KDM4C: variants seen among roughly 807,000 people sequenced by gnomAD.
The protein encoded by KDM4C is lysine-specific demethylase 4C.
In KDM4C, 81 loss-of-function variants were observed where a neutral mutation model predicts 129.3. That is an observed-to-expected ratio of 0.63 (90% CI 0.52 to 0.75). The LOEUF (loss-of-function observed/expected upper bound fraction) is 0.75, where lower values mean the gene tolerates loss of function less well. Among genes scored for constraint, KDM4C ranks in the 30% least tolerant of loss-of-function variants. KDM4C has a pLI of 0.00. For missense variants in KDM4C, 1,457 were observed against 1,304.0 expected (o/e 1.12, Z -1.81); for synonymous variants, 573 against 456.1 (o/e 1.26, Z -3.26).
chr9:7,039,810 ATGAGGGGT>A (rs1828249977), intron 15 of KDM4C, among the ~76,000 whole-genome samples: 1 of 152,100 alleles, frequency 6.6e-6, no homozygotes, highest in Non-Finnish European at 1.5e-5. Context: ...AAGGAAGAGG[ATGAGGGGT>A]TGGCCCAGCT....
intron 12 of KDM4C, 26 bp downstream of exon 12, chr9:6,990,550 T>G (rs767377966): frequency 1.7e-5 from 1 of 60,208 alleles, no homozygotes; most frequent in African/African-American, 1.3e-4. Flanking sequence ...TTTTTGGGAT[T>G]TTTTTTTTTT....
intron 8 of KDM4C, among the ~76,000 whole-genome samples, chr9:6,952,273 G>A (rs949405405): frequency 4.6e-5 from 7 of 151,898 alleles, no homozygotes; most frequent in Non-Finnish European, 1.0e-4. Context: ...CTGATGGTAC[G>A]CCTATGTCCA....
intron 17 of KDM4C, among the ~76,000 whole-genome samples, chr9:7,092,878 A>G (rs572432840): frequency 6.6e-6 from 1 of 152,286 alleles, no homozygotes; most frequent in Non-Finnish European, 1.5e-5. Context: ...CAGAAATGGA[A>G]TTTTTAAATA....
At chr9:6,884,897 A>G (rs1227323889) in intron 6 of KDM4C, among the ~76,000 whole-genome samples, 1 of 152,260 alleles carries the variant, frequency 6.6e-6, no homozygotes, top group Non-Finnish European at 1.5e-5. Context: ...AGTTGACAGT[A>G]TAGAGAACTT....
rs146833868 is a variant in KDM4C, at chr9:6,817,763, C to CTTTT, written c.435+3036_435+3039dup. Among the ~76,000 whole-genome samples the CTTTT allele has an allele frequency of 1.7e-3, 182 of 105,078 alleles. 2 individuals are homozygous for CTTTT. Among genetic ancestry groups the CTTTT allele is most frequent in the African/African-American group, 3.6e-3 (94 of 25,900 alleles). The allele number at this position is 105,078 out of a possible 152,430, so 68.9% of individuals were successfully genotyped here. A position where few individuals can be genotyped will look rare whatever the true frequency, so the allele number is the denominator to read the frequency against. ...CATAAGGTTATCAAACAGGAATAAC[C>CTTTT]TTTTTTTTTTTTTTTTTTTTTGAGA... On this transcript the variant is annotated intron_variant, in intron 4 of 21. Transcript: ENST00000381309.
At chr9:6,926,903 A>G (rs993094916) in intron 8 of KDM4C, among the ~76,000 whole-genome samples, 1 of 152,300 alleles carries the variant, frequency 6.6e-6, no homozygotes, top group Admixed American at 6.5e-5. Flanking sequence ...ATTCATAAAC[A>G]TGTCGAAGCT....
rs1443195340 is a variant in KDM4C at position 7,165,199 on chromosome 9, G to T, written c.2782-39G>T. On this transcript the variant is annotated intron_variant, in intron 19 of 21. Coordinates refer to ENST00000381309, the MANE Select transcript of KDM4C (RefSeq NM_015061.6). ...CTAAGTTCTAAATGCAGTCACTTAGGCACTCCTTTTGAAAAGCCTGTCTCT... is the reference window on the plus strand; with the variant it reads ...CTAAGTTCTAAATGCAGTCACTTAGTCACTCCTTTTGAAAAGCCTGTCTCT... 1.9e-6 allele frequency: 3 copies of T among 1,609,546 alleles called. No homozygotes were observed. In the East Asian group the frequency reaches 6.7e-5, roughly 36 times the overall value.
At chr9:7,016,951 T>C (rs559373222) in intron 15 of KDM4C, among the ~76,000 whole-genome samples, 1 of 152,296 alleles carries the variant, frequency 6.6e-6, no homozygotes, top group African/African-American at 2.4e-5. Flanking sequence ...TTTTTCTCTT[T>C]TTGAGACAGG....
intron 1 of KDM4C, among the ~76,000 whole-genome samples, chr9:6,745,027 C>T (rs939827678): frequency 6.6e-6 from 1 of 152,140 alleles, no homozygotes; most frequent in Non-Finnish European, 1.5e-5. Flanking sequence ...TGCCCTTTCA[C>T]CTTTGACCCA....
chr9:6,731,361 T>C (rs1182564694), intron 1 of KDM4C, among the ~76,000 whole-genome samples: 1 of 145,472 alleles, frequency 6.9e-6, no homozygotes, highest in Non-Finnish European at 1.5e-5. Flanking sequence ...AGTTTCACTC[T>C]TGTTGCCCAG....
At chr9:6,986,230 C>CGTGTGTATGTGCGTGT (rs1817673914) in intron 10 of KDM4C, 114 bp from the exon 11 acceptor site, 1 of 656,212 alleles carries the variant, frequency 1.5e-6, no homozygotes, top group Non-Finnish European at 2.6e-6. Context: ...TATGTGCATG[C>CGTGTGTATGTGCGTGT]GCATGCGTGT....
At position 7,027,867 on chromosome 9, in the gene KDM4C, C is replaced by T. The variant is rs548180078; in HGVS notation, c.2259+11938C>T. ...TGGCAGAGGAGCCTCAGCCCATGAC[C>T]GCCACTACTACAGGCTCATGGAGAA... is the stretch of plus-strand genomic sequence containing the variant. On this transcript the variant is annotated intron_variant, in intron 15 of 21. Transcript: ENST00000381309. 2.0e-5 allele frequency among the ~76,000 whole-genome samples: 3 copies of T among 152,326 alleles called. No individual in the cohort carries two copies. The South Asian group carries it at 6.2e-4, about 32-fold the overall frequency.
intron 18 of KDM4C, chr9:7,105,283 G>A: frequency 2.9e-6 from 1 of 344,666 alleles, no homozygotes; most frequent in South Asian, 2.3e-5. Flanking sequence ...AGAGTAGTTG[G>A]TGTTCACACT....
chr9:6,896,403 A>T (rs999529728), intron 8 of KDM4C, among the ~76,000 whole-genome samples: 18 of 152,042 alleles, frequency 1.2e-4, no homozygotes, highest in African/African-American at 3.9e-4. Context: ...GCATTAAATA[A>T]GCAAAATAGT....
intron 18 of KDM4C, among the ~76,000 whole-genome samples, chr9:7,125,379 A>T (rs1407513760): frequency 1.3e-5 from 2 of 152,196 alleles, no homozygotes; most frequent in African/African-American, 4.8e-5. Context: ...CACCTGTGAG[A>T]TGGCTTCATG....
chr9:6,921,715 A>G (rs1303125894), intron 8 of KDM4C, among the ~76,000 whole-genome samples: 5 of 151,962 alleles, frequency 3.3e-5, no homozygotes, highest in African/African-American at 1.2e-4. Context: ...CTAGCTTCCC[A>G]TCTCGCTTCC....
chr9:6,849,364 A>G (rs939576385), intron 4 of KDM4C, 143 bp from the exon 5 acceptor site: 6 of 576,168 alleles, frequency 1.0e-5, no homozygotes, highest in African/African-American at 9.4e-5. Flanking sequence ...GCTCTTGAAT[A>G]AGAGTTGTTT....
At chr9:7,077,205 A>G in intron 17 of KDM4C, 1 of 985,424 alleles carries the variant, frequency 1.0e-6, no homozygotes, top group Non-Finnish European at 1.2e-6. Flanking sequence ...AAGAGAGGTC[A>G]TTGGCATTCA....
Position 7,116,892 on chromosome 9 carries a change from A to G in KDM4C, c.2611-11174A>G, listed in dbSNP as rs1838959420. ...CCTCTCTAATTTTGTCTCCCGCTCAAAATGACCACCCATCTTTGTTGGGGA... is the reference window on the plus strand; with the variant it reads ...CCTCTCTAATTTTGTCTCCCGCTCAGAATGACCACCCATCTTTGTTGGGGA... On this transcript the variant is annotated intron_variant, in intron 18 of 21. Transcript: ENST00000381309. 3.3e-5 allele frequency among the ~76,000 whole-genome samples: 5 copies of G among 152,216 alleles called. No individual in the cohort carries two copies. The South Asian group carries it at 1.0e-3, about 32-fold the overall frequency.
Sources: gnomAD v4.1 joint callset for allele counts (sites outside exome capture counted in the v4.1 genomes callset) on GRCh38, gnomAD v4.1.1 for gene constraint, MANE v1.5 for transcripts, NCBI Gene and HGNC (gene_info 2026-07-23, HGNC 2026-07-21) for gene names.